Variants in CRTC1 observed in about 807,000 individuals in gnomAD.
CRTC1 encodes the protein CREB regulated transcription coactivator 1.
CRTC1 carries 18 observed loss-of-function variants against 66.1 expected under a neutral mutation model. The ratio of observed to expected loss-of-function variants is 0.27; its 90% CI spans 0.19 to 0.40. The LOEUF is 0.40. Ranked by LOEUF, CRTC1 falls within the 10% of genes least tolerant of loss-of-function variation. The probability of loss-of-function intolerance (pLI) is 1.00; values close to 1 mark genes in which losing one functional copy is unlikely to be tolerated. For synonymous variants in CRTC1, 416 were observed against 398.8 expected (o/e 1.04, Z -0.51); for missense variants, 669 against 887.9 (o/e 0.75, Z 3.13).
intron 1 of CRTC1, among the ~76,000 whole-genome samples, chr19:18,688,739 C>T (rs757677610): frequency 1.1e-4 from 17 of 151,884 alleles, no homozygotes; most frequent in Admixed American, 2.0e-4. Flanking sequence ...CGCCTGGCCC[C>T]GCTTGTTTTT....
At position 18,683,713 on chromosome 19, in the gene CRTC1, C is replaced by T; in HGVS notation, c.11C>T (p.Ser4Leu). Residue 4 changes from serine to leucine, a missense_variant, in exon 1 of 14, where the codon TCG becomes TTG. Ser to Leu is a moderately radical substitution (Grantham distance 145, BLOSUM62 -2). Transcript: ENST00000321949. Reference protein sequence around the residue: MATSNNPRKFSEKI... With the variant: MATLNNPRKFSEKI... ...GGTGGCGGCGAGAAGATGGCGACTT[C>T]GAACAATCCGCGGAAATTCAGCGAG... 3 of 1,404,784 alleles carry T rather than the reference C, an allele frequency of 2.1e-6. No individual in the cohort carries two copies. Among genetic ancestry groups the T allele is most frequent in the Non-Finnish European group, 1.9e-6 (2 of 1,055,320 alleles). The allele number at this position is 1,404,784 out of a possible 1,614,324, so 87.0% of individuals were successfully genotyped here.
chr19:18,746,333 G>C (rs951863582), intron 3 of CRTC1, among the ~76,000 whole-genome samples: 1 of 152,180 alleles, frequency 6.6e-6, no homozygotes, highest in African/African-American at 2.4e-5. Flanking sequence ...CCTCTCCTAC[G>C]CGCTGCACGG....
chr19:18,769,464 G>A (rs765133809), intron 10 of CRTC1, among the ~76,000 whole-genome samples: 2 of 152,236 alleles, frequency 1.3e-5, no homozygotes, highest in Non-Finnish European at 2.9e-5. Context: ...ACTTGACCCC[G>A]ACTGCCAGCC....
At chr19:18,775,217 A>G (rs2054959414) in intron 12 of CRTC1, among the ~76,000 whole-genome samples, 1 of 152,174 alleles carries the variant, frequency 6.6e-6, no homozygotes, top group Non-Finnish European at 1.5e-5. Flanking sequence ...GCCCACCTAC[A>G]GAGCGGAGGC....
rs1600919773 is a variant in CRTC1, at chr19:18,746,127, TC to T, written c.381+169del. Among the ~76,000 whole-genome samples the T allele has an allele frequency of 2.0e-5, 3 of 152,112 alleles. No individual in the cohort carries two copies. In the East Asian group the frequency reaches 5.8e-4, roughly 29 times the overall value. ...TGATCTCAGGGCAGCCTGGGGGACT[TC>T]CTGGAGGAGGCTGTGCCACAAGCCC... On this transcript the variant is annotated intron_variant, in intron 3 of 13. Transcript: ENST00000321949.
Position 18,747,409 on chromosome 19 carries a change from G to A in CRTC1, c.443+295G>A, listed in dbSNP as rs2145750469. ...CTCAGCACTTTGGGGGGCCGAGGCA[G>A]GCGGATCACTTGAGGTCAGGAGTTT... On this transcript the variant is annotated intron_variant, in intron 4 of 13. Coordinates refer to ENST00000321949, the MANE Select transcript of CRTC1 (RefSeq NM_015321.3). Among the ~76,000 whole-genome samples the A allele has an allele frequency of 1.3e-5, 2 of 152,248 alleles. 1 individual carries two copies. The highest frequency in any genetic ancestry group is 4.1e-4 in the South Asian group (2 of 4,828).
At chr19:18,684,092 A>G (rs1208202384) in intron 1 of CRTC1, among the ~76,000 whole-genome samples, 1 of 151,696 alleles carries the variant, frequency 6.6e-6, no homozygotes, top group South Asian at 2.1e-4. Flanking sequence ...AGGGGCCTCT[A>G]TATCATTACT....
chr19:18,765,609 GTTCCTTCC>G, intron 9 of CRTC1, 81 bp downstream of exon 9: 28 of 1,382,526 alleles, frequency 2.0e-5, no homozygotes, highest in Non-Finnish European at 2.6e-5. Context: ...AAGGCCTCCT[GTTCCTTCC>G]AGGAGGCCAC....
At chr19:18,752,443 C>T (rs894585466) in intron 5 of CRTC1, among the ~76,000 whole-genome samples, 2 of 152,158 alleles carry the variant, frequency 1.3e-5, no homozygotes, top group Non-Finnish European at 1.5e-5. Flanking sequence ...CTCAGCCTCT[C>T]GCATAGCTGG....
At chr19:18,701,806 C>T (rs113252987) in intron 1 of CRTC1, among the ~76,000 whole-genome samples, 4,491 of 151,230 alleles carry the variant, frequency 0.03, 101 homozygotes, top group African/African-American at 0.062. Flanking sequence ...TTAGTAGAGA[C>T]GGGGTTTCAC....
intron 1 of CRTC1, among the ~76,000 whole-genome samples, chr19:18,716,238 A>G (rs2053504091): frequency 6.6e-6 from 1 of 150,784 alleles, no homozygotes; most frequent in Admixed American, 6.6e-5. Context: ...TGGGGCCAGA[A>G]TGTGGCTCCC....
rs768344664 is a variant in CRTC1 at position 18,747,053 on chromosome 19, G to A, written c.382G>A (p.Ala128Thr). ...GCACTGCCCCCTTAACTCACCTCAC[G>A]CCGACAGCTGCCCCTATGGCACCAT... is the stretch of plus-strand genomic sequence containing the variant. ...PLSVDKHGRQ[A>T]DSCPYGTMYL... The change falls in exon 4 of 14, where the codon GCC (alanine) becomes ACC (threonine). Residue 128 changes from alanine (A) to threonine (T), a missense_variant and splice_region_variant. Physicochemically the swap from Ala to Thr is moderately conservative, Grantham distance 58 (BLOSUM62 0). Coordinates refer to ENST00000321949, the MANE Select transcript of CRTC1 (RefSeq NM_015321.3). 4 of 1,612,336 alleles carry A rather than the reference G, an allele frequency of 2.5e-6. No homozygotes were observed. Among genetic ancestry groups the A allele is most frequent in the African/African-American group, 2.7e-5 (2 of 74,526 alleles).
rs35465891 is a variant in CRTC1, at chr19:18,728,815, C to CTTTTTT, written c.127-14085_127-14080dup. Among the ~76,000 whole-genome samples, 793 of 79,362 alleles carry CTTTTTT rather than the reference C, an allele frequency of 1.0e-2. 113 individuals carry two copies. Among genetic ancestry groups the CTTTTTT allele is most frequent in the African/African-American group, 0.045 (756 of 16,922 alleles). The allele number at this position is 79,362 out of a possible 152,430, so 52.1% of individuals were successfully genotyped here. A position where few individuals can be genotyped will look rare whatever the true frequency, so the allele number is the denominator to read the frequency against. The stretch of plus-strand genomic sequence containing the variant: ...ACAGGTGTGAGCCACCTCACCTGGC[C>CTTTTTT]TTTTTTTTTTTTTTTGAGACAGAGT... On this transcript the variant is annotated intron_variant, in intron 1 of 13. Transcript: ENST00000321949.
intron 1 of CRTC1, among the ~76,000 whole-genome samples, chr19:18,703,756 C>G (rs2053200388): frequency 6.6e-6 from 1 of 152,106 alleles, no homozygotes; most frequent in African/African-American, 2.4e-5. Context: ...AGCCACCGTG[C>G]CTGGCTAATT....
intron 1 of CRTC1, among the ~76,000 whole-genome samples, chr19:18,721,405 G>A (rs1423037583): frequency 3.3e-5 from 5 of 151,704 alleles, no homozygotes; most frequent in South Asian, 2.1e-4. Flanking sequence ...GTGTTAGCCA[G>A]GATGGTCTCG....
chr19:18,688,604 A>AT (rs1228994666), intron 1 of CRTC1, among the ~76,000 whole-genome samples: 1 of 151,932 alleles, frequency 6.6e-6, no homozygotes, highest in East Asian at 1.9e-4. Flanking sequence ...ACGCCTGAGT[A>AT]ATTTTGTATT....
chr19:18,720,956 G>A (rs539223936), intron 1 of CRTC1, among the ~76,000 whole-genome samples: 2 of 152,270 alleles, frequency 1.3e-5, no homozygotes, highest in South Asian at 4.1e-4. Context: ...CACAAACTGG[G>A]TATCTTAAAA....
chr19:18,712,349 C>G (rs574049180), intron 1 of CRTC1, among the ~76,000 whole-genome samples: 6 of 152,090 alleles, frequency 3.9e-5, no homozygotes, highest in Non-Finnish European at 7.3e-5. Context: ...GCCTCCACCT[C>G]CCGGGTTTAA....
chr19:18,745,694 T>C, intron 2 of CRTC1, 129 bp from the exon 3 acceptor site: 10 of 1,190,154 alleles, frequency 8.4e-6, no homozygotes, highest in Non-Finnish European at 1.2e-5. Flanking sequence ...TCCCAGGCTG[T>C]GGAGCGATGG....
Sources: gnomAD v4.1 joint callset for allele counts (sites outside exome capture counted in the v4.1 genomes callset) on GRCh38, gnomAD v4.1.1 for gene constraint, MANE v1.5 for transcripts, NCBI Gene and HGNC (gene_info 2026-07-23, HGNC 2026-07-21) for gene names.